Variants in DIAPH2 observed in about 807,000 individuals in gnomAD.
DIAPH2 encodes the protein protein diaphanous homolog 2.
Under a neutral mutation model 92.7 loss-of-function variants are expected in DIAPH2, and 35 were observed. That is an observed-to-expected ratio of 0.38 (90% confidence interval 0.29 to 0.50). The LOEUF (loss-of-function observed/expected upper bound fraction) is 0.50. Ranked by LOEUF, DIAPH2 falls within the 20% of genes least tolerant of loss-of-function variation. DIAPH2 has a pLI of 0.94. For missense variants in DIAPH2, 701 were observed against 819.5 expected, an observed-to-expected ratio of 0.86 and a Z score of 1.77; for synonymous variants, 301 against 280.4, an observed-to-expected ratio of 1.07 and a Z score of -0.73.
intron 22 of DIAPH2, among the ~76,000 whole-genome samples, chrX:97,237,675 G>A (rs1465117118): frequency 1.8e-5 from 2 of 109,780 alleles, no homozygotes; most frequent in African/African-American, 3.3e-5. Context: ...TCCACCTCCC[G>A]GGTTCGCGCC....
intron 4 of DIAPH2, among the ~76,000 whole-genome samples, chrX:96,822,910 G>T (rs2064788150): frequency 1.8e-5 from 2 of 111,826 alleles, no homozygotes; most frequent in African/African-American, 6.5e-5. Context: ...ATGAACAAAG[G>T]TATTGAACAT....
At chrX:97,362,321 A>C (rs1185704797) in intron 24 of DIAPH2, among the ~76,000 whole-genome samples, 1 of 111,700 alleles carries the variant, frequency 9.0e-6, no homozygotes, top group Non-Finnish European at 1.9e-5. Context: ...GCACAAAAGT[A>C]AATTGTTGCT....
At chrX:97,158,299 C>G (rs2067339661) in intron 22 of DIAPH2, among the ~76,000 whole-genome samples, 1 of 111,908 alleles carries the variant, frequency 8.9e-6, no homozygotes, top group Admixed American at 9.5e-5. Context: ...TAAGTAGTTT[C>G]CAAATTCTGC....
intron 14 of DIAPH2, among the ~76,000 whole-genome samples, chrX:96,947,997 T>C (rs1446414705): frequency 9.0e-6 from 1 of 111,585 alleles, no homozygotes; most frequent in Non-Finnish European, 1.9e-5. Context: ...ACCCCATATT[T>C]TAACCTCTAG....
At chrX:97,120,686 A>G (rs2067051338) in intron 21 of DIAPH2, among the ~76,000 whole-genome samples, 1 of 101,654 alleles carries the variant, frequency 9.8e-6, no homozygotes, top group Admixed American at 1.1e-4. Context: ...ATAGCCCAAG[A>G]CAATTCTCCT....
At chrX:97,521,912 T>A (rs1432410800) in intron 26 of DIAPH2, among the ~76,000 whole-genome samples, 1 of 112,164 alleles carries the variant, frequency 8.9e-6, no homozygotes, top group East Asian at 2.8e-4. Flanking sequence ...AAATTATAAA[T>A]TATTTCAAAT....
chrX:97,225,234 G>A (rs910394175), intron 22 of DIAPH2, among the ~76,000 whole-genome samples: 2 of 111,329 alleles, frequency 1.8e-5, no homozygotes, highest in African/African-American at 6.5e-5. Flanking sequence ...AAACTTAAAT[G>A]ATAGGAACTC....
chrX:97,570,555 C>T (rs1473558783), intron 26 of DIAPH2, among the ~76,000 whole-genome samples: 1 of 109,958 alleles, frequency 9.1e-6, no homozygotes, highest in African/African-American at 3.3e-5. Context: ...GCTGTAGAAG[C>T]TGGAGATACT....
At chrX:97,119,067 T>C (rs781521040) in intron 21 of DIAPH2, among the ~76,000 whole-genome samples, 2 of 111,328 alleles carry the variant, frequency 1.8e-5, no homozygotes, top group Non-Finnish European at 3.8e-5. Context: ...CAGGGATTTT[T>C]TTTCTTGGTT....
At chrX:97,232,962 T>C (rs895012806) in intron 22 of DIAPH2, among the ~76,000 whole-genome samples, 1 of 112,286 alleles carries the variant, frequency 8.9e-6, no homozygotes, top group Admixed American at 9.5e-5. Flanking sequence ...AAGAAGACAT[T>C]ACATCTCCTC....
At chrX:97,552,204 C>A (rs1397341513) in intron 26 of DIAPH2, among the ~76,000 whole-genome samples, 1 of 111,216 alleles carries the variant, frequency 9.0e-6, no homozygotes, top group African/African-American at 3.3e-5. Flanking sequence ...AAGTTCCCTT[C>A]ATTTCTTGAT....
Position 97,562,657 on chromosome X carries a change from G to A in DIAPH2, c.3242-36596G>A, listed in dbSNP as rs190872415. On this transcript the variant is annotated intron_variant, in intron 26 of 26. Transcript: ENST00000324765. Reference sequence around the variant, plus strand: ...AATTTGGTGTTCTCTCCACTATATCGTGCTGCTTCTACTTATGGGATTGGG... The same window carrying A: ...AATTTGGTGTTCTCTCCACTATATCATGCTGCTTCTACTTATGGGATTGGG... Among the ~76,000 whole-genome samples the A allele has an allele frequency of 3.6e-5, 4 of 111,846 alleles. No homozygotes were observed. The East Asian group carries it at 8.4e-4, about 23-fold the overall frequency.
intron 4 of DIAPH2, among the ~76,000 whole-genome samples, chrX:96,835,560 G>A (rs1019788806): frequency 2.7e-5 from 3 of 111,894 alleles, no homozygotes; most frequent in Non-Finnish European, 5.6e-5. Flanking sequence ...ATGCCAAATC[G>A]GAAGGAGGAG....
chrX:97,346,507 G>A (rs1364546012), intron 23 of DIAPH2, among the ~76,000 whole-genome samples: 1 of 109,546 alleles, frequency 9.1e-6, no homozygotes, highest in Non-Finnish European at 1.9e-5. Context: ...ACCCATTGCT[G>A]GGTTTGTAGC....
chrX:97,348,992 G>GTA (rs752744059), intron 24 of DIAPH2, among the ~76,000 whole-genome samples: 234 of 106,284 alleles, frequency 2.2e-3, no homozygotes, highest in Non-Finnish European at 4.0e-3. Flanking sequence ...AGGTGTGTGT[G>GTA]TATATATATA....
intron 4 of DIAPH2, among the ~76,000 whole-genome samples, chrX:96,830,727 A>G (rs1365895762): frequency 9.0e-6 from 1 of 110,822 alleles, no homozygotes; most frequent in Non-Finnish European, 1.9e-5. Flanking sequence ...AAATAATTGG[A>G]GATGAAATCA....
At chrX:97,262,761 G>C (rs1270243427) in intron 23 of DIAPH2, among the ~76,000 whole-genome samples, 1 of 111,971 alleles carries the variant, frequency 8.9e-6, no homozygotes, top group Non-Finnish European at 1.9e-5. Context: ...CATGGAAATT[G>C]TGTTTAAAGC....
At chrX:96,877,596 G>T (rs1480774638) in intron 4 of DIAPH2, among the ~76,000 whole-genome samples, 1 of 111,783 alleles carries the variant, frequency 8.9e-6, no homozygotes, top group African/African-American at 3.2e-5. Flanking sequence ...TTCCCAAGTT[G>T]TAAGTAAGTC....
intron 22 of DIAPH2, among the ~76,000 whole-genome samples, chrX:97,169,766 G>T (rs2067438076): frequency 9.0e-6 from 1 of 111,043 alleles, no homozygotes; most frequent in Admixed American, 9.6e-5. Flanking sequence ...CACTTGGGAG[G>T]TTGAAGTGGG....
Sources: allele counts gnomAD v4.1 joint callset (sites outside exome capture counted in the v4.1 genomes callset), GRCh38; gene constraint gnomAD v4.1.1; transcripts MANE v1.5; gene names NCBI Gene and HGNC (gene_info 2026-07-23, HGNC 2026-07-21).